PRDM2: variants seen among roughly 807,000 people sequenced by gnomAD.
PRDM2 encodes PR/SET domain 2, also known as PR domain zinc finger protein 2.
Under a neutral mutation model 130.0 loss-of-function variants are expected in PRDM2, and 30 were observed. The ratio of observed to expected loss-of-function variants is 0.23; its 90% confidence interval spans 0.17 to 0.31. PRDM2 has a LOEUF of 0.31. PRDM2 is among the 10% of genes least tolerant of loss of function. The pLI is 1.00. For missense variants in PRDM2, 2,011 were observed against 2,108.4 expected, an observed-to-expected ratio of 0.95 and a Z score of 0.90; for synonymous variants, 871 against 782.4, an observed-to-expected ratio of 1.11 and a Z score of -1.89.
At chr1:13,786,272 A>T (rs769483088) in intron 8 of PRDM2, among the ~76,000 whole-genome samples, 41 of 63,054 alleles carry the variant, frequency 6.5e-4, no homozygotes, top group Admixed American at 9.9e-4. Context: ...GAATTGATTT[A>T]AAAAAAAAAG....
chr1:13,701,661 G>GA (rs1303379644), intron 1 of PRDM2, among the ~76,000 whole-genome samples: 1 of 152,054 alleles, frequency 6.6e-6, no homozygotes, highest in Non-Finnish European at 1.5e-5. Context: ...GACCTTTAAA[G>GA]ATCATTTTTA....
At chr1:13,745,671 C>T (rs1430538275) in intron 5 of PRDM2, among the ~76,000 whole-genome samples, 1 of 152,162 alleles carries the variant, frequency 6.6e-6, no homozygotes, top group Non-Finnish European at 1.5e-5. Context: ...ATCTGCCCAC[C>T]TCGGCCTCCC....
intron 1 of PRDM2, among the ~76,000 whole-genome samples, chr1:13,714,863 A>T (rs1001586351): frequency 1.3e-5 from 2 of 152,248 alleles, no homozygotes; most frequent in Admixed American, 1.3e-4. Flanking sequence ...CTCAAGGCAT[A>T]CGTTGCAGAA....
At chr1:13,798,909 T>C (rs1281716430) in intron 8 of PRDM2, among the ~76,000 whole-genome samples, 2 of 152,228 alleles carry the variant, frequency 1.3e-5, no homozygotes, top group East Asian at 3.8e-4. Flanking sequence ...CATGGTGCCA[T>C]GTGCATTTGA....
chr1:13,764,991 A>C lies in PRDM2; in HGVS notation c.512-8087A>C, dbSNP rs548323553. On this transcript the variant is annotated intron_variant, in intron 6 of 9. Coordinates refer to ENST00000311066, the MANE Select transcript of PRDM2 (RefSeq NM_001393986.1). ...TTAAGTGAAAAAGGAAACTATAGAAAATGCATGGCATGTTAACTTTTATAA... is the reference window on the plus strand; with the variant it reads ...TTAAGTGAAAAAGGAAACTATAGAACATGCATGGCATGTTAACTTTTATAA... Among the ~76,000 whole-genome samples, 177 of 152,372 alleles carry C rather than the reference A, an allele frequency of 1.2e-3. 3 individuals are homozygous for C. The South Asian group carries it at 0.036, about 31-fold the overall frequency.
intron 8 of PRDM2, among the ~76,000 whole-genome samples, chr1:13,792,458 A>G (rs796933073): frequency 4.6e-5 from 7 of 152,342 alleles, no homozygotes; most frequent in African/African-American, 1.7e-4. Context: ...TTTAAAACTC[A>G]TGGATTCAAT....
At chr1:13,787,977 A>G in intron 8 of PRDM2, 1 of 985,314 alleles carries the variant, frequency 1.0e-6, no homozygotes, top group Non-Finnish European at 1.2e-6. Flanking sequence ...CAGATGTATT[A>G]AAAAAAGATT....
Position 13,782,361 on chromosome 1 carries a change from T to G in PRDM2, c.4566T>G (p.Ile1522Met). 7.4e-6 allele frequency: 12 copies of G among 1,613,034 alleles called. No homozygotes were observed. The highest frequency in any genetic ancestry group is 1.0e-5 in the Non-Finnish European group (12 of 1,179,838). The stretch of plus-strand genomic sequence containing the variant: ...GCAGACGGACAGCGGATGCGGAGAT[T>G]AAAATGCAAAGCATGCAGACTCCGT... ...NHRRRTADAEIKMQSMQTPLG... is the reference protein window; with the variant it reads ...NHRRRTADAEMKMQSMQTPLG... Residue 1522 changes from isoleucine to methionine, a missense_variant, in exon 8 of 10, where the codon ATT (isoleucine) becomes ATG (methionine). Physicochemically the swap from Ile to Met is conservative, Grantham distance 10. This residue lies in a region of PRDM2 where 410 missense variants were observed against 395.9 expected (regional missense o/e 1.04). Coordinates refer to ENST00000311066, the MANE Select transcript of PRDM2 (RefSeq NM_001393986.1).
Position 13,736,114 on chromosome 1 carries a change from C to CTT in PRDM2, c.231+3248_231+3249dup, listed in dbSNP as rs766095858. Among the ~76,000 whole-genome samples, 182 of 132,016 alleles carry CTT rather than the reference C, an allele frequency of 1.4e-3. 4 individuals are homozygous for CTT. In the South Asian group the frequency reaches 0.038, roughly 28 times the overall value. 86.6% of individuals were successfully genotyped at this position (132,016 alleles called of 152,430 possible). A position where few individuals can be genotyped will look rare whatever the true frequency, so the allele number is the denominator to read the frequency against. Reference sequence around the variant, plus strand: ...ATTTACGTTATTGTTTGTTTCTTTTCTTTTTTTTTTTTTTTTTGAGACAAG... The same window carrying CTT: ...ATTTACGTTATTGTTTGTTTCTTTTCTTTTTTTTTTTTTTTTTTTGAGACAAG... On this transcript the variant is annotated intron_variant, in intron 4 of 9. Transcript: ENST00000311066.
intron 2 of PRDM2, among the ~76,000 whole-genome samples, chr1:13,719,400 A>G (rs1295540014): frequency 6.6e-6 from 1 of 152,186 alleles, no homozygotes; most frequent in African/African-American, 2.4e-5. Context: ...ATAAGAGGAC[A>G]TTGGTGTGAG....
At chr1:13,792,727 G>A (rs1395528248) in intron 8 of PRDM2, among the ~76,000 whole-genome samples, 2 of 152,202 alleles carry the variant, frequency 1.3e-5, no homozygotes, top group Non-Finnish European at 2.9e-5. Flanking sequence ...GAGGACCCTC[G>A]GGGTGTAGCT....
chr1:13,740,625 C>A (rs1157488052), intron 4 of PRDM2, among the ~76,000 whole-genome samples: 2 of 152,158 alleles, frequency 1.3e-5, no homozygotes, highest in African/African-American at 4.8e-5. Flanking sequence ...TTCTTTATGA[C>A]AATTAAACAG....
At chr1:13,701,752 C>T (rs1642079672) in intron 1 of PRDM2, among the ~76,000 whole-genome samples, 1 of 152,092 alleles carries the variant, frequency 6.6e-6, no homozygotes, top group Non-Finnish European at 1.5e-5. Flanking sequence ...TCTGTGATTC[C>T]AGGGCTCTTT....
At chr1:13,752,361 A>G (rs1005735387) in intron 6 of PRDM2, among the ~76,000 whole-genome samples, 1 of 152,244 alleles carries the variant, frequency 6.6e-6, no homozygotes, top group Non-Finnish European at 1.5e-5. Flanking sequence ...CTTTTTACAT[A>G]TCTGAGCAGC....
chr1:13,773,062 A>G lies in PRDM2; in HGVS notation c.512-16A>G, dbSNP rs768357647. 5 of 1,391,882 alleles carry G rather than the reference A, an allele frequency of 3.6e-6. No individual in the cohort carries two copies. The highest frequency in any genetic ancestry group is 2.9e-6 in the Non-Finnish European group (3 of 1,039,266). 86.2% of individuals were successfully genotyped at this position (1,391,882 alleles called of 1,614,324 possible). ...AAAAAAAATGAATGAATAAATTAAAAAAAATTGTGTTTCAGGGAAGAAAAA... is the reference window on the plus strand; with the variant it reads ...AAAAAAAATGAATGAATAAATTAAAGAAAATTGTGTTTCAGGGAAGAAAAA... On this transcript the variant is annotated splice_polypyrimidine_tract_variant and intron_variant, in intron 6 of 9. Coordinates refer to ENST00000311066, the MANE Select transcript of PRDM2 (RefSeq NM_001393986.1).
intron 2 of PRDM2, among the ~76,000 whole-genome samples, chr1:13,715,885 C>G (rs935810766): frequency 2.0e-5 from 3 of 152,130 alleles, no homozygotes; most frequent in Non-Finnish European, 2.9e-5. Context: ...TGACCTCTCC[C>G]TTGCCACACT....
rs1182024191 is a variant in PRDM2 at position 13,824,586 on chromosome 1, C to T, written c.*1451C>T. The T allele has an allele frequency of 6.6e-6, 1 of 152,108 alleles. No homozygotes were observed. Among genetic ancestry groups the T allele is most frequent in the East Asian group, 1.9e-4 (1 of 5,200 alleles). The allele number at this position is 152,108 out of a possible 1,614,324, so 9.4% of individuals were successfully genotyped here. A position where few individuals can be genotyped will look rare whatever the true frequency, so the allele number is the denominator to read the frequency against. ...GGTCATTGGCCGACATCACAGTTTT[C>T]CTGTTTCCCACCCAGCTAAAAACCG... On this transcript the variant is annotated 3_prime_UTR_variant, in exon 10 of 10. Transcript: ENST00000311066.
intron 2 of PRDM2, 46 bp from the exon 3 acceptor site, chr1:13,730,954 G>A (rs1569779718): frequency 7.8e-7 from 1 of 1,276,830 alleles, no homozygotes; most frequent in South Asian, 1.4e-5. Flanking sequence ...CCCATGATTT[G>A]AGTTTTCTTT....
intron 8 of PRDM2, among the ~76,000 whole-genome samples, chr1:13,795,076 A>G (rs143800351): frequency 1.1e-3 from 168 of 152,318 alleles, no homozygotes; most frequent in African/African-American, 3.8e-3. Context: ...TTCTTATTCT[A>G]TCACCCCCTC....
Sources: gnomAD v4.1 joint callset for allele counts (sites outside exome capture counted in the v4.1 genomes callset) on GRCh38, gnomAD v4.1.1 for gene constraint, gnomAD v4.1.1 regional missense constraint, MANE v1.5 for transcripts, NCBI Gene and HGNC (gene_info 2026-07-23, HGNC 2026-07-21) for gene names.